TKTL1: variants seen among roughly 807,000 people sequenced by gnomAD.
TKTL1 encodes the protein transketolase like 1.
Under a neutral mutation model 39.3 loss-of-function variants are expected in TKTL1, and 1 was observed. That is an observed-to-expected ratio of 0.03 (90% CI 0.01 to 0.12). The LOEUF (loss-of-function observed/expected upper bound fraction) is 0.12. TKTL1 is among the 10% of genes least tolerant of loss of function. The pLI is 1.00. For synonymous variants in TKTL1, 262 were observed against 193.8 expected, an observed-to-expected ratio of 1.35 and a Z score of -2.92; for missense variants, 575 against 509.6, an observed-to-expected ratio of 1.13 and a Z score of -1.24.
In TKTL1 at chrX:154,320,792, G is replaced by A. The variant is rs1293135685; in HGVS notation, c.1065G>A (p.Arg355=). ...CTCTGGGCTGTGCCTCCCGTGGACG[G>A]ACCATTGCTTTTGCTAGCACCTTTG... ...SVALGCASRG[R]TIAFASTFAA... The change falls in exon 8 of 13, where the codon CGG becomes CGA. Residue 355 remains arginine (R), a synonymous_variant. Transcript: ENST00000369915. 1 of 1,209,691 alleles carries A rather than the reference G, an allele frequency of 8.3e-7. No individual in the cohort carries two copies. Among genetic ancestry groups the A allele is most frequent in the Non-Finnish European group, 1.1e-6 (1 of 894,921 alleles).
chrX:154,318,298 T>C (rs1481123364), intron 7 of TKTL1, among the ~76,000 whole-genome samples: 1 of 110,694 alleles, frequency 9.0e-6, no homozygotes, highest in Admixed American at 9.7e-5. Context: ...TTTGATACTT[T>C]AATACTCAAA....
chrX:154,310,081 A>C (rs1469897169), intron 3 of TKTL1, among the ~76,000 whole-genome samples: 3 of 111,177 alleles, frequency 2.7e-5, no homozygotes, highest in Non-Finnish European at 5.7e-5. Context: ...GTTGTGGAGG[A>C]ATTTACTTCA....
rs1557170472 is a variant in TKTL1 at position 154,320,807 on chromosome X, T to C, written c.1080T>C (p.Ala360=). The part of the protein sequence containing the change: ...CASRGRTIAF[A]STFAAFLTRA... ...CCCGTGGACGGACCATTGCTTTTGC[T>C]AGCACCTTTGCTGCCTTTCTGACTC... is the stretch of plus-strand genomic sequence containing the variant. Residue 360 remains alanine (A), a synonymous_variant, in exon 8 of 13, where the codon GCT becomes GCC. Transcript: ENST00000369915. 8.3e-7 allele frequency: 1 copy of C among 1,211,454 alleles called. No individual in the cohort carries two copies. Among genetic ancestry groups the C allele is most frequent in the East Asian group, 3.0e-5 (1 of 33,841 alleles).
At chrX:154,302,471 A>AGAT (rs1569550785) in intron 1 of TKTL1, among the ~76,000 whole-genome samples, 1 of 111,080 alleles carries the variant, frequency 9.0e-6, no homozygotes, top group Non-Finnish European at 1.9e-5. Flanking sequence ...ACTGGGCTCA[A>AGAT]GAGCACTACC....
At position 154,312,682 on chromosome X, in the gene TKTL1, T is replaced by C; in HGVS notation, c.773T>C (p.Leu258Pro). ...IESQIQTSRN[L>P]DPQPPIEDSP... ...AGCCAGATACAGACCAGCAGGAATC[T>C]TGACCCACAGCCCCCCATTGAGGAC... The change falls in exon 6 of 13, where the codon CTT becomes CCT. Residue 258 changes from leucine to proline, a missense_variant. Transcript: ENST00000369915. 1 of 1,211,703 alleles carries C rather than the reference T, an allele frequency of 8.3e-7. No individual in the cohort carries two copies. The highest frequency in any genetic ancestry group is 1.1e-6 in the Non-Finnish European group (1 of 895,428).
intron 7 of TKTL1, among the ~76,000 whole-genome samples, chrX:154,318,008 A>G (rs2067415611): frequency 8.9e-6 from 1 of 112,209 alleles, no homozygotes; most frequent in African/African-American, 3.2e-5. Context: ...GCTCCACACC[A>G]CTAAATGCAG....
chrX:154,317,369 C>T (rs1427233980), intron 7 of TKTL1, among the ~76,000 whole-genome samples: 1 of 111,311 alleles, frequency 9.0e-6, no homozygotes, highest in Non-Finnish European at 1.9e-5. Flanking sequence ...GACGAGGGGT[C>T]AGCCGTGTGC....
chrX:154,322,669 T>A (rs190478833), intron 8 of TKTL1, among the ~76,000 whole-genome samples: 85 of 111,740 alleles, frequency 7.6e-4, no homozygotes, highest in African/African-American at 2.7e-3. Flanking sequence ...CATTAAGATT[T>A]CTCTTTCACA....
chrX:154,323,008 G>A (rs1450871594), intron 8 of TKTL1, among the ~76,000 whole-genome samples, 199 bp from the exon 9 acceptor site: 1 of 112,262 alleles, frequency 8.9e-6, no homozygotes, highest in African/African-American at 3.2e-5. Flanking sequence ...GTCACAGTGT[G>A]ATCTCAAGGG....
At chrX:154,307,794 A>G (rs893339265) in intron 2 of TKTL1, among the ~76,000 whole-genome samples, 1 of 112,236 alleles carries the variant, frequency 8.9e-6, no homozygotes, top group African/African-American at 3.2e-5. Context: ...AGAGCTTGTT[A>G]CGTGAGTGTG....
At chrX:154,310,527 G>A (rs781953838) in intron 3 of TKTL1, among the ~76,000 whole-genome samples, 5 of 112,633 alleles carry the variant, frequency 4.4e-5, no homozygotes, top group Admixed American at 9.4e-5. Flanking sequence ...TAAGGATGCT[G>A]CTTTCTTCCC....
intron 9 of TKTL1, among the ~76,000 whole-genome samples, chrX:154,324,631 C>T (rs1450953184): frequency 9.0e-6 from 1 of 111,548 alleles, no homozygotes; most frequent in East Asian, 2.8e-4. Flanking sequence ...GGCGGAAGCG[C>T]TGCTGGGCTT....
In TKTL1 at chrX:154,329,933, A is replaced by G. The variant is rs1369080098; in HGVS notation, c.*245A>G. On this transcript the variant is annotated 3_prime_UTR_variant, in exon 13 of 13. Transcript: ENST00000369915. ...TACACAACTTTTAAGTGAAAAAAAT[A>G]GGTAACAAAACAACCACCTGATAGT... The G allele has an allele frequency of 2.2e-5, 7 of 316,899 alleles. No individual in the cohort carries two copies. Among genetic ancestry groups the G allele is most frequent in the Non-Finnish European group, 3.3e-5 (6 of 182,787 alleles). 26.1% of individuals were successfully genotyped at this position (316,899 alleles called of 1,213,427 possible).
Position 154,311,138 on chromosome X carries a change from G to A in TKTL1, c.570G>A (p.Arg190=), listed in dbSNP as rs1379641693. 8.3e-7 allele frequency: 1 copy of A among 1,211,998 alleles called. No individual in the cohort carries two copies. Among genetic ancestry groups the A allele is most frequent in the Non-Finnish European group, 1.1e-6 (1 of 895,562 alleles). The change falls in exon 5 of 13, where the codon CGG becomes CGA. Residue 190 remains arginine, a synonymous_variant. Coordinates refer to ENST00000369915, the MANE Select transcript of TKTL1 (RefSeq NM_012253.4). ...GGAACACTTATGTGGTGGACGGCCG[G>A]GACGTGGAGGCACTGTGCCAGGTAT... ...FGWNTYVVDG[R]DVEALCQVFW...
At chrX:154,319,968 G>C (rs1557170241) in intron 7 of TKTL1, among the ~76,000 whole-genome samples, 2 of 112,211 alleles carry the variant, frequency 1.8e-5, no homozygotes, top group African/African-American at 6.5e-5. Flanking sequence ...GTAAAGTGGG[G>C]ATCATTACCA....
intron 7 of TKTL1, among the ~76,000 whole-genome samples, chrX:154,317,965 C>T (rs2067415092): frequency 8.9e-6 from 1 of 112,404 alleles, no homozygotes; most frequent in Admixed American, 9.4e-5. Context: ...GATGGCTGGG[C>T]AGTAGATCAG....
At chrX:154,305,569 T>C in intron 2 of TKTL1, 148 bp downstream of exon 2, 1 of 696,809 alleles carries the variant, frequency 1.4e-6, no homozygotes, top group South Asian at 3.2e-5. Context: ...AGTGTTCTAG[T>C]GAGGGCCACT....
chrX:154,303,379 ATTTTTTT>A (rs1172255094), intron 1 of TKTL1, among the ~76,000 whole-genome samples: 95 of 33,667 alleles, frequency 2.8e-3, no homozygotes, highest in Non-Finnish European at 3.5e-3. Flanking sequence ...TGCCCAGCTA[ATTTTTTT>A]TTTTTTTTTT....
At chrX:154,303,828 C>G (rs1557166560) in intron 1 of TKTL1, among the ~76,000 whole-genome samples, 1 of 109,086 alleles carries the variant, frequency 9.2e-6, no homozygotes, top group African/African-American at 3.3e-5. Context: ...TGGCTTCCAC[C>G]CTACCCCCCG....
Sources: allele counts gnomAD v4.1 joint callset (sites outside exome capture counted in the v4.1 genomes callset), GRCh38; gene constraint gnomAD v4.1.1; transcripts MANE v1.5; gene names NCBI Gene and HGNC (gene_info 2026-07-23, HGNC 2026-07-21).